WASHC5: variants seen among roughly 807,000 people sequenced by gnomAD.
WASHC5 encodes WASH complex subunit 5.
In WASHC5, 101 loss-of-function variants were observed where a neutral mutation model predicts 150.4. That is an observed-to-expected ratio of 0.67 (90% CI 0.57 to 0.79). WASHC5 has a LOEUF of 0.79. Among genes scored for constraint, WASHC5 ranks in the 30% least tolerant of loss-of-function variants. WASHC5 has a pLI of 0.00. For missense variants in WASHC5, 1,195 were observed against 1,396.3 expected (o/e 0.86, Z 2.30); for synonymous variants, 467 against 491.2 (o/e 0.95, Z 0.65).
intron 12 of WASHC5, 34 bp downstream of exon 12, chr8:125,061,048 T>C: frequency 8.2e-7 from 1 of 1,215,026 alleles, no homozygotes; most frequent in East Asian, 2.3e-5. Context: ...TGATTCATGA[T>C]CCAAGAACCT....
chr8:125,039,102 A>G, intron 24 of WASHC5, 143 bp from the exon 25 acceptor site: 4 of 934,768 alleles, frequency 4.3e-6, no homozygotes, highest in Non-Finnish European at 6.7e-6. Flanking sequence ...ATTCTCAACC[A>G]TGCCTGTGAT....
intron 7 of WASHC5, among the ~76,000 whole-genome samples, chr8:125,075,384 G>A (rs139170504): frequency 1.3e-4 from 19 of 151,998 alleles, no homozygotes; most frequent in African/African-American, 4.1e-4. Flanking sequence ...TTTCTCACCA[G>A]TTGTTTTATT....
chr8:125,057,864 G>A (rs746146676), intron 14 of WASHC5, among the ~76,000 whole-genome samples, 198 bp from the exon 15 acceptor site: 1 of 152,124 alleles, frequency 6.6e-6, no homozygotes, highest in Non-Finnish European at 1.5e-5. Context: ...CCCTGGACCA[G>A]TAGCTTCCGC....
At chr8:125,028,780 G>T in intron 27 of WASHC5, 73 bp from the exon 28 acceptor site, 2 of 997,716 alleles carry the variant, frequency 2.0e-6, no homozygotes, top group Non-Finnish European at 1.6e-6. Context: ...AATCCTGAAA[G>T]ACTAAATTAC....
chr8:125,088,011 G>T (rs746413747), intron 1 of WASHC5, among the ~76,000 whole-genome samples: 2 of 152,158 alleles, frequency 1.3e-5, no homozygotes, highest in Non-Finnish European at 2.9e-5. Flanking sequence ...AGAAGGAAAT[G>T]AGAGAGCAAG....
In WASHC5 at chr8:125,081,759, A is replaced by G. The variant is rs148562491; in HGVS notation, c.420T>C (p.Cys140=). The change falls in exon 5 of 29, where the codon TGT becomes TGC. Residue 140 remains cysteine, a splice_region_variant and synonymous_variant. Coordinates refer to ENST00000318410, the MANE Select transcript of WASHC5 (RefSeq NM_014846.4). ...TAACTCCATATAAGTACAGTGCTTC[A>G]CACTAAGAAGAGAAGAGGACAAAAG... ...LLNEDGKQLL[C]EALYLYGVML... is the part of the protein sequence containing the mutation. 6.3e-7 allele frequency: 1 copy of G among 1,593,960 alleles called. No homozygotes were observed. Among genetic ancestry groups the G allele is most frequent in the Non-Finnish European group, 8.6e-7 (1 of 1,161,984 alleles).
At chr8:125,073,808 T>C (rs1041279301) in intron 8 of WASHC5, among the ~76,000 whole-genome samples, 3 of 152,258 alleles carry the variant, frequency 2.0e-5, no homozygotes, top group Non-Finnish European at 2.9e-5. Flanking sequence ...GACTTGGGGC[T>C]TAACCCCTGT....
rs527915947 is a variant in WASHC5, at chr8:125,067,704, T to C, written c.1166A>G (p.Asn389Ser). Residue 389 changes from asparagine (N) to serine (S), a missense_variant, in exon 10 of 29, where the codon AAC becomes AGC. By Grantham distance (46) the Asn-to-Ser change is conservative. Coordinates refer to ENST00000318410, the MANE Select transcript of WASHC5 (RefSeq NM_014846.4). ...GTCCTTGATTTGACGAAGGCGTTTG[T>C]TGTTTGGGTCACAGGCTAGAAACAG... ...HTADSACDPN[N>S]KRLRQIKDQI... is the part of the protein sequence containing the mutation. The C allele has an allele frequency of 4.3e-6, 7 of 1,613,894 alleles. No homozygotes were observed. Among genetic ancestry groups the C allele is most frequent in the South Asian group, 3.3e-5 (3 of 91,078 alleles).
chr8:125,043,397 A>C (rs757611425), intron 23 of WASHC5, among the ~76,000 whole-genome samples: 24 of 152,234 alleles, frequency 1.6e-4, no homozygotes, highest in Admixed American at 7.9e-4. Flanking sequence ...TTTATGCCCC[A>C]AAGAACCTGG....
intron 28 of WASHC5, among the ~76,000 whole-genome samples, chr8:125,027,380 A>G (rs989211839): frequency 6.6e-6 from 1 of 152,232 alleles, no homozygotes; most frequent in Non-Finnish European, 1.5e-5. Context: ...AGTGTCCATC[A>G]ATCAATGAGT....
rs538256386 is a variant in WASHC5 at position 125,083,322 on chromosome 8, T to C, written c.187-64A>G. 190 of 1,491,704 alleles carry C rather than the reference T, an allele frequency of 1.3e-4. 1 individual carries two copies. The Middle Eastern group carries it at 1.9e-3, about 15-fold the overall frequency. The allele number at this position is 1,491,704 out of a possible 1,614,324, so 92.4% of individuals were successfully genotyped here. On this transcript the variant is annotated intron_variant, in intron 2 of 28. Transcript: ENST00000318410. ...ATACTTGTTGGTGACAATTTCTAAATAGTCTTTTAAAAATTTGTTCTTATG... is the reference window on the plus strand; with the variant it reads ...ATACTTGTTGGTGACAATTTCTAAACAGTCTTTTAAAAATTTGTTCTTATG...
Position 125,044,658 on chromosome 8 carries a change from T to C in WASHC5, c.2545A>G (p.Met849Val), listed in dbSNP as rs1355658998. Reference sequence around the variant, plus strand: ...CTGGTCACTTCCTGATGAGTTTTCATATCATACCAAGTGTTCAGCTGGTCT... The same window carrying C: ...CTGGTCACTTCCTGATGAGTTTTCACATCATACCAAGTGTTCAGCTGGTCT... The part of the protein sequence containing the change: ...HIDQLNTWYD[M>V]KTHQEVTSSR... Residue 849 changes from methionine (M) to valine (V), a missense_variant, in exon 21 of 29, where the codon ATG becomes GTG. This residue lies in a region of WASHC5 where 997 missense variants were observed against 1,168.1 expected (regional missense o/e 0.85). Transcript: ENST00000318410. 2.5e-6 allele frequency: 4 copies of C among 1,614,118 alleles called. No individual in the cohort carries two copies. Among genetic ancestry groups the C allele is most frequent in the Non-Finnish European group, 2.5e-6 (3 of 1,179,958 alleles).
chr8:125,083,181 G>A lies in WASHC5; in HGVS notation c.264C>T (p.Asn88=). ...QDLDEEFREN[N]IEIVTRFYLA... is the part of the protein sequence containing the mutation. ...AATAAAATCTGGTCACAATTTCTATGTTGTTTTCACGAAATTCTTCATCTA... is the reference window on the plus strand; with the variant it reads ...AATAAAATCTGGTCACAATTTCTATATTGTTTTCACGAAATTCTTCATCTA... Residue 88 remains asparagine, a synonymous_variant, in exon 3 of 29, where the codon AAC becomes AAT. Coordinates refer to ENST00000318410, the MANE Select transcript of WASHC5 (RefSeq NM_014846.4). 6.2e-7 allele frequency: 1 copy of A among 1,601,846 alleles called. No homozygotes were observed. The highest frequency in any genetic ancestry group is 8.6e-7 in the Non-Finnish European group (1 of 1,169,420).
chr8:125,026,824 A>G (rs1324992831), intron 28 of WASHC5, among the ~76,000 whole-genome samples: 2 of 152,064 alleles, frequency 1.3e-5, no homozygotes, highest in African/African-American at 2.4e-5. Flanking sequence ...ACTTGATATA[A>G]TATTTTAATA....
intron 17 of WASHC5, 122 bp downstream of exon 17, chr8:125,055,469 C>T (rs765514724): frequency 7.9e-5 from 60 of 756,588 alleles, no homozygotes; most frequent in Non-Finnish European, 1.2e-4. Context: ...AAATGAAGAC[C>T]GAAATTGGAA....
intron 11 of WASHC5, 137 bp from the exon 12 acceptor site, chr8:125,061,331 C>A: frequency 1.7e-6 from 1 of 599,870 alleles, no homozygotes; most frequent in Non-Finnish European, 3.0e-6. Flanking sequence ...ATTTTCCAAA[C>A]GACAAAAATG....
Position 125,074,546 on chromosome 8 carries a change from T to A in WASHC5, c.978+452A>T, listed in dbSNP as rs552015804. On this transcript the variant is annotated intron_variant, in intron 8 of 28. Coordinates refer to ENST00000318410, the MANE Select transcript of WASHC5 (RefSeq NM_014846.4). ...ATAACCGTTTAACCTTTAAGATGAA[T>A]GTCTTGAGTCTTGTTGCTTATTTAG... Among the ~76,000 whole-genome samples, 5 of 152,322 alleles carry A rather than the reference T, an allele frequency of 3.3e-5. No homozygotes were observed. In the East Asian group the frequency reaches 7.7e-4, roughly 23 times the overall value.
chr8:125,027,960 A>G (rs1586328660), intron 28 of WASHC5, among the ~76,000 whole-genome samples: 1 of 152,202 alleles, frequency 6.6e-6, no homozygotes, highest in Non-Finnish European at 1.5e-5. Context: ...ACATTTCACT[A>G]TTATGTACTG....
At chr8:125,055,114 CTT>C (rs1309969466) in intron 17 of WASHC5, among the ~76,000 whole-genome samples, 1 of 152,130 alleles carries the variant, frequency 6.6e-6, no homozygotes, top group East Asian at 1.9e-4. Flanking sequence ...AATGCTTTCT[CTT>C]CCTCCATCAA....
Sources: allele counts gnomAD v4.1 joint callset (sites outside exome capture counted in the v4.1 genomes callset), GRCh38; gene constraint gnomAD v4.1.1; regional missense constraint gnomAD v4.1.1; transcripts MANE v1.5; gene names NCBI Gene and HGNC (gene_info 2026-07-23, HGNC 2026-07-21).